Variants in ASPH observed in about 807,000 individuals in gnomAD.
ASPH encodes the protein aspartate beta-hydroxylase.
Under a neutral mutation model 118.4 loss-of-function variants are expected in ASPH, and 100 were observed. The observed-to-expected ratio is 0.84, with a 90% CI of 0.72 to 1.00. The LOEUF is 1.00. Ranked by LOEUF, ASPH falls within the 50% of genes least tolerant of loss-of-function variation. The pLI is 0.00. For missense variants in ASPH, 920 were observed against 919.5 expected (o/e 1.00, Z -0.01); for synonymous variants, 315 against 325.6 (o/e 0.97, Z 0.35).
At chr8:61,520,647 C>T (rs1268989477) in intron 22 of ASPH, among the ~76,000 whole-genome samples, 2 of 152,116 alleles carry the variant, frequency 1.3e-5, no homozygotes, top group East Asian at 3.9e-4. Flanking sequence ...TACGAGTCAC[C>T]GTAAAGTGTT....
At chr8:61,532,350 G>T (rs1206088451) in intron 21 of ASPH, among the ~76,000 whole-genome samples, 1 of 151,974 alleles carries the variant, frequency 6.6e-6, no homozygotes, top group East Asian at 1.9e-4. Context: ...TGTCTACTTA[G>T]GCCCTTTGCC....
Position 61,548,180 on chromosome 8 carries a change from T to C in ASPH, c.1655A>G (p.Lys552Arg). Residue 552 changes from lysine (K) to arginine (R), a missense_variant, in exon 21 of 25, where the codon AAG becomes AGG. Transcript: ENST00000379454. ...CCAGACAGATGCAAAGTGTCCTCTCTTGTGCCCAAGCTCATACCACTTATA... is the reference window on the plus strand; with the variant it reads ...CCAGACAGATGCAAAGTGTCCTCTCCTGTGCCCAAGCTCATACCACTTATA... ...EAYKWYELGH[K>R]RGHFASVWQR... The C allele has an allele frequency of 3.1e-6, 5 of 1,613,908 alleles. No individual in the cohort carries two copies. The highest frequency in any genetic ancestry group is 4.2e-6 in the Non-Finnish European group (5 of 1,179,850).
chr8:61,582,490 C>A (rs1442000370), intron 15 of ASPH, among the ~76,000 whole-genome samples: 7 of 152,168 alleles, frequency 4.6e-5, no homozygotes, highest in African/African-American at 1.7e-4. Flanking sequence ...GATGGCTTCA[C>A]TTCATAAAGT....
At chr8:61,705,415 T>C (rs530019434) in intron 1 of ASPH, among the ~76,000 whole-genome samples, 207 of 152,166 alleles carry the variant, frequency 1.4e-3, no homozygotes, top group African/African-American at 4.6e-3. Flanking sequence ...TTAAAAAAAA[T>C]TGTGCTATAG....
chr8:61,504,751 T>A (rs1370811238), intron 24 of ASPH, among the ~76,000 whole-genome samples: 1 of 152,088 alleles, frequency 6.6e-6, no homozygotes, highest in African/African-American at 2.4e-5. Context: ...ACCAGAAACA[T>A]CTCTAGTCAT....
At chr8:61,561,248 C>A (rs1587140555) in intron 18 of ASPH, among the ~76,000 whole-genome samples, 1 of 152,140 alleles carries the variant, frequency 6.6e-6, no homozygotes. Context: ...GACCCTGATT[C>A]ACTGAGGTAT....
At chr8:61,581,660 C>T (rs553084216) in intron 15 of ASPH, among the ~76,000 whole-genome samples, 1 of 152,058 alleles carries the variant, frequency 6.6e-6, no homozygotes, top group Non-Finnish European at 1.5e-5. Flanking sequence ...CCATGTTGTC[C>T]CTCGAGGAAT....
intron 21 of ASPH, among the ~76,000 whole-genome samples, chr8:61,543,989 G>T (rs954524266): frequency 1.3e-5 from 2 of 152,202 alleles, no homozygotes; most frequent in Non-Finnish European, 2.9e-5. Context: ...AATGTCCTGA[G>T]AATGCAGCTT....
chr8:61,687,982 T>A (rs1831200152), intron 1 of ASPH, among the ~76,000 whole-genome samples: 1 of 152,164 alleles, frequency 6.6e-6, no homozygotes, highest in African/African-American at 2.4e-5. Context: ...GGGGCAGTTT[T>A]TATCGACAGC....
In ASPH at chr8:61,560,112, G is replaced by A. The variant is rs925239928; in HGVS notation, c.1437+2632C>T. Among the ~76,000 whole-genome samples the A allele has an allele frequency of 9.2e-5, 14 of 152,356 alleles. 1 individual carries two copies. In the South Asian group the frequency reaches 2.9e-3, roughly 32 times the overall value. On this transcript the variant is annotated intron_variant, in intron 18 of 24. Coordinates refer to ENST00000379454, the MANE Select transcript of ASPH (RefSeq NM_004318.4). ...CTTCATGTGGGCACATTCTGCGTGT[G>A]TTTCATGAACTACTGTTTCTCTAGC...
intron 13 of ASPH, among the ~76,000 whole-genome samples, chr8:61,628,630 CAACACCTGAA>C (rs1201220373): frequency 1.3e-5 from 2 of 152,118 alleles, no homozygotes; most frequent in Non-Finnish European, 2.9e-5. Flanking sequence ...GAGCTTTTAT[CAACACCTGAA>C]AACAGCTAAA....
intron 21 of ASPH, among the ~76,000 whole-genome samples, chr8:61,547,600 C>G (rs1454352901): frequency 6.6e-6 from 1 of 152,150 alleles, no homozygotes; most frequent in Non-Finnish European, 1.5e-5. Flanking sequence ...TCTATTAATC[C>G]AGACTCTAAA....
intron 3 of ASPH, chr8:61,675,953 T>G: frequency 6.6e-7 from 1 of 1,512,214 alleles, no homozygotes; most frequent in East Asian, 2.3e-5. Context: ...CATGGTTGAC[T>G]TGCACGGTAA....
chr8:61,635,389 T>C (rs2350621), intron 12 of ASPH, among the ~76,000 whole-genome samples: 126,922 of 151,952 alleles, frequency 0.84, 53,154 homozygotes, highest in African/African-American at 0.88. Context: ...ATACCATCTC[T>C]ACGACAATGG....
At chr8:61,552,584 G>T (rs1826397101) in intron 20 of ASPH, among the ~76,000 whole-genome samples, 1 of 152,118 alleles carries the variant, frequency 6.6e-6, no homozygotes, top group Non-Finnish European at 1.5e-5. Context: ...ACTTTTAAAA[G>T]TCCAAAATAA....
In ASPH at chr8:61,503,478, C is replaced by T; in HGVS notation, c.2158G>A (p.Asp720Asn). Residue 720 changes from aspartate to asparagine, a missense_variant, in exon 25 of 25, where the codon GAT becomes AAT. By Grantham distance (23) the Asp-to-Asn change is conservative. Transcript: ENST00000379454. ...TWEEGKVLIF[D>N]DSFEHEVWQD... Reference sequence around the variant, plus strand: ...CATACCTCGTGCTCAAAGGAGTCATCAAAGATGAGCACCTTGCCTTCCTCC... The same window carrying T: ...CATACCTCGTGCTCAAAGGAGTCATTAAAGATGAGCACCTTGCCTTCCTCC... 1.2e-6 allele frequency: 2 copies of T among 1,612,538 alleles called. No homozygotes were observed. Among genetic ancestry groups the T allele is most frequent in the Non-Finnish European group, 1.7e-6 (2 of 1,179,298 alleles).
In ASPH at chr8:61,525,988, A is replaced by C; in HGVS notation, c.1889T>G (p.Leu630Arg). The C allele has an allele frequency of 6.2e-7, 1 of 1,613,894 alleles. No individual in the cohort carries two copies. Residue 630 changes from leucine (L) to arginine (R), a missense_variant, in exon 22 of 25, where the codon CTG (leucine) becomes CGG (arginine). By Grantham distance (102) the Leu-to-Arg change is moderately radical (BLOSUM62 -2). Coordinates refer to ENST00000379454, the MANE Select transcript of ASPH (RefSeq NM_004318.4). The stretch of plus-strand genomic sequence containing the variant: ...AGTCAGAAACTCACCTTGCTGCCAC[A>C]GCGTGAACTGGCTCCAGTCCCCTTT... ...REKGDWSQFT[L>R]WQQGRRNENA...
In ASPH at chr8:61,501,039, T is replaced by TAA. The variant is rs1329000187; in HGVS notation, c.*2318_*2319dup. Reference sequence around the variant, plus strand: ...TTTTTATATTATACACTTGGAGAAATAAAGTTGAAACAGAATTAAAAATAT... The same window carrying TAA: ...TTTTTATATTATACACTTGGAGAAATAAAAAGTTGAAACAGAATTAAAAATAT... On this transcript the variant is annotated 3_prime_UTR_variant, in exon 25 of 25. Coordinates refer to ENST00000379454, the MANE Select transcript of ASPH (RefSeq NM_004318.4). The TAA allele has an allele frequency of 2.0e-5, 3 of 152,108 alleles. No individual in the cohort carries two copies. Among genetic ancestry groups the TAA allele is most frequent in the African/African-American group, 4.8e-5 (2 of 41,428 alleles). The allele number at this position is 152,108 out of a possible 1,614,324, so 9.4% of individuals were successfully genotyped here.
At chr8:61,595,001 C>T (rs1842141742) in intron 14 of ASPH, among the ~76,000 whole-genome samples, 1 of 152,132 alleles carries the variant, frequency 6.6e-6, no homozygotes, top group Non-Finnish European at 1.5e-5. Flanking sequence ...CTGGTTTTCA[C>T]TATTATAACT....
Sources: gnomAD v4.1 joint callset for allele counts (sites outside exome capture counted in the v4.1 genomes callset) on GRCh38, gnomAD v4.1.1 for gene constraint, MANE v1.5 for transcripts, NCBI Gene and HGNC (gene_info 2026-07-23, HGNC 2026-07-21) for gene names.